ERAP1: variants seen among roughly 807,000 people sequenced by gnomAD.
ERAP1 encodes the protein adipocyte-derived leucine aminopeptidase.
ERAP1 carries 86 observed loss-of-function variants against 103.7 expected under a neutral mutation model. The observed-to-expected ratio is 0.83, with a 90% CI of 0.70 to 0.99. The LOEUF is 0.99. Among genes scored for constraint, ERAP1 ranks in the 50% least tolerant of loss-of-function variants. The pLI is 0.00. For missense variants in ERAP1, 1,009 were observed against 1,128.4 expected (o/e 0.89, Z 1.52); for synonymous variants, 398 against 402.4 (o/e 0.99, Z 0.13).
At chr5:96,792,505 G>A (rs1007042691) in intron 7 of ERAP1, among the ~76,000 whole-genome samples, 5 of 152,096 alleles carry the variant, frequency 3.3e-5, no homozygotes, top group Admixed American at 2.0e-4. Context: ...GAAATTAACT[G>A]TATAGTAATT....
the ERAP1 span, among the ~76,000 whole-genome samples, chr5:96,820,257 T>C: frequency 0.048 from 7,312 of 152,218 alleles, 236 homozygotes; most frequent in South Asian, 0.11. Context: ...CATTTGCTTA[T>C]TTGCCATTTA....
At chr5:96,910,535 A>G in the ERAP1 span, among the ~76,000 whole-genome samples, 1 of 152,094 alleles carries the variant, frequency 6.6e-6, no homozygotes, top group Admixed American at 6.6e-5. Flanking sequence ...GTATGAGTGA[A>G]GCTAAAATGT....
the ERAP1 span, chr5:96,892,440 A>T: frequency 6.2e-7 from 1 of 1,613,972 alleles, no homozygotes; most frequent in East Asian, 2.2e-5. Flanking sequence ...ATAGCCCATG[A>T]ACTGGCGCAC....
chr5:96,920,637 T>C, the ERAP1 span, among the ~76,000 whole-genome samples: 30 of 152,378 alleles, frequency 2.0e-4, no homozygotes, highest in Middle Eastern at 3.4e-3. Context: ...CTCTGCTACT[T>C]TTCCTTCACT....
At chr5:96,894,958 T>C in the ERAP1 span, among the ~76,000 whole-genome samples, 4 of 152,056 alleles carry the variant, frequency 2.6e-5, no homozygotes, top group African/African-American at 9.7e-5. Flanking sequence ...TTTCTTAATA[T>C]TAAATCTAAT....
At chr5:96,922,655 G>A in the ERAP1 span, among the ~76,000 whole-genome samples, 15 of 152,328 alleles carry the variant, frequency 9.8e-5, no homozygotes, top group East Asian at 3.9e-4. Context: ...ATGTGAACCA[G>A]ACAGAGCTCG....
At chr5:96,913,425 T>G in the ERAP1 span, 1 of 1,614,180 alleles carries the variant, frequency 6.2e-7, no homozygotes, top group Non-Finnish European at 8.5e-7. Context: ...CATGGGATTT[T>G]GTAAGAGAAA....
rs756864916 is a variant in ERAP1 at position 96,803,906 on chromosome 5, T to C, written c.21A>G (p.Lys7=). Residue 7 remains lysine, a synonymous_variant, in exon 2 of 19, where the codon AAA becomes AAG. Coordinates refer to ENST00000443439, the MANE Select transcript of ERAP1 (RefSeq NM_001040458.3). MVFLPL[K]WSLATMSFLL... ...GAAATGACATGGTTGCAAGGGACCA[T>C]TTGAGGGGCAGAAACACCATCTTCT... 3 of 1,607,966 alleles carry C rather than the reference T, an allele frequency of 1.9e-6. No homozygotes were observed. Among genetic ancestry groups the C allele is most frequent in the African/African-American group, 2.7e-5 (2 of 74,916 alleles).
downstream of ERAP1, chr5:96,770,483 A>G: frequency 8.5e-7 from 1 of 1,170,424 alleles, no homozygotes; most frequent in Middle Eastern, 1.9e-4. Flanking sequence ...GTTAATTGCT[A>G]GATGGATTGG....
Position 96,793,941 on chromosome 5 carries a change from G to T in ERAP1, c.936C>A (p.Pro312=). 6.2e-7 allele frequency: 1 copy of T among 1,613,916 alleles called. No homozygotes were observed. Among genetic ancestry groups the T allele is most frequent in the Non-Finnish European group, 8.5e-7 (1 of 1,179,900 alleles). Residue 312 remains proline, a synonymous_variant, in exon 6 of 19, where the codon CCC becomes CCA. Coordinates refer to ENST00000443439, the MANE Select transcript of ERAP1 (RefSeq NM_001040458.3). ...PLPKQDLAAI[P]DFQSGAMENW... Reference sequence around the variant, plus strand: ...TTTCCATAGCACCAGACTGAAAGTCGGGAATAGCAGCAAGATCTTGGGAAG... The same window carrying T: ...TTTCCATAGCACCAGACTGAAAGTCTGGAATAGCAGCAAGATCTTGGGAAG...
the ERAP1 span, chr5:96,884,072 ATCT>A: frequency 8.8e-5 from 49 of 556,296 alleles, no homozygotes; most frequent in African/African-American, 7.5e-4. Context: ...CTATCTATCT[ATCT>A]ATCTATCATC....
Position 96,793,919 on chromosome 5 carries a change from C to G in ERAP1, c.958G>C (p.Glu320Gln). The G allele has an allele frequency of 6.2e-7, 1 of 1,614,108 alleles. No homozygotes were observed. Among genetic ancestry groups the G allele is most frequent in the Non-Finnish European group, 8.5e-7 (1 of 1,179,988 alleles). ...AIPDFQSGAM[E>Q]NWGLTTYRES... ...CTATATGTTGTCAGTCCCCAGTTTTCCATAGCACCAGACTGAAAGTCGGGA... is the reference window on the plus strand; with the variant it reads ...CTATATGTTGTCAGTCCCCAGTTTTGCATAGCACCAGACTGAAAGTCGGGA... Residue 320 changes from glutamate to glutamine, a missense_variant, in exon 6 of 19, where the codon GAA (glutamate) becomes CAA (glutamine). Physicochemically the swap from Glu to Gln is conservative, Grantham distance 29. Coordinates refer to ENST00000443439, the MANE Select transcript of ERAP1 (RefSeq NM_001040458.3).
In ERAP1 at chr5:96,763,343, C is replaced by CGT. The variant is rs537007209; in HGVS notation, c.2819-117_2819-116dup. On this transcript the variant is annotated intron_variant, in intron 19 of 19. Transcript: ENST00000296754. ...AGCACTTAAAACCAGTAAAATGCCC[C>CGT]GTGTGTGTGTATGTGCATGTGCATG... is the stretch of plus-strand genomic sequence containing the variant. The CGT allele has an allele frequency of 1.9e-4, 141 of 751,442 alleles. No individual in the cohort carries two copies. In the East Asian group the frequency reaches 3.0e-3, roughly 16 times the overall value. 46.5% of individuals were successfully genotyped at this position (751,442 alleles called of 1,614,324 possible). A position where few individuals can be genotyped will look rare whatever the true frequency, so the allele number is the denominator to read the frequency against.
the ERAP1 span, among the ~76,000 whole-genome samples, chr5:96,836,894 A>G: frequency 6.6e-6 from 1 of 152,238 alleles, no homozygotes; most frequent in Admixed American, 6.5e-5. Flanking sequence ...AAAAATTATA[A>G]TGATAATGCA....
At chr5:96,809,782 G>A (rs1424571041), upstream of ERAP1, among the ~76,000 whole-genome samples, 2 of 152,118 alleles carry the variant, frequency 1.3e-5, no homozygotes, top group Non-Finnish European at 2.9e-5. Context: ...GTTTACTCAA[G>A]ATGAGACCTC....
At position 96,784,041 on chromosome 5, in the gene ERAP1, G is replaced by T. The variant is rs774270474; in HGVS notation, c.1983C>A (p.Ser661=). The change falls in exon 14 of 19, where the codon TCC becomes TCA. Residue 661 remains serine (S), a synonymous_variant. Transcript: ENST00000443439. ...TTTCAGTTTCATGTTTCAAGTACAG[G>T]GATAAATCCAAGGCCTTTTCAATGG... The part of the protein sequence containing the change: ...KLSIEKALDL[S]LYLKHETEIM... 4 of 1,613,962 alleles carry T rather than the reference G, an allele frequency of 2.5e-6. No individual in the cohort carries two copies. Among genetic ancestry groups the T allele is most frequent in the Non-Finnish European group, 3.4e-6 (4 of 1,179,972 alleles).
the ERAP1 span, among the ~76,000 whole-genome samples, chr5:96,844,240 C>G: frequency 0.28 from 42,035 of 152,076 alleles, 6,873 homozygotes; most frequent in Non-Finnish European, 0.38. Flanking sequence ...TTGGTTCTCC[C>G]CAGTTGCTAT....
the ERAP1 span, chr5:96,822,910 A>G: frequency 2.7e-6 from 1 of 367,988 alleles, no homozygotes; most frequent in South Asian, 2.0e-5. Context: ...GGCTGAATCA[A>G]GGTGTCATCC....
At chr5:96,882,599 T>G in the ERAP1 span, among the ~76,000 whole-genome samples, 14 of 152,382 alleles carry the variant, frequency 9.2e-5, no homozygotes, top group Middle Eastern at 3.4e-3. Flanking sequence ...AGAGTTCCAA[T>G]GAATCGTGTA....
Sources: allele counts gnomAD v4.1 joint callset (sites outside exome capture counted in the v4.1 genomes callset), GRCh38; gene constraint gnomAD v4.1.1; transcripts MANE v1.5; gene names NCBI Gene and HGNC (gene_info 2026-07-23, HGNC 2026-07-21).